Variants in KCNMB2 observed in about 807,000 individuals in gnomAD.
KCNMB2 encodes calcium-activated potassium channel subunit beta-2.
In KCNMB2, 9 loss-of-function variants were observed where a neutral mutation model predicts 24.5. The ratio of observed to expected loss-of-function variants is 0.37; its 90% CI spans 0.22 to 0.64. The LOEUF (loss-of-function observed/expected upper bound fraction) is 0.64, where lower values mean the gene tolerates loss of function less well. KCNMB2 is among the 30% of genes least tolerant of loss of function. The pLI is 0.63. For synonymous variants in KCNMB2, 109 were observed against 104.4 expected, an observed-to-expected ratio of 1.04 and a Z score of -0.27; for missense variants, 226 against 284.3, an observed-to-expected ratio of 0.79 and a Z score of 1.47.
At chr3:178,696,885 A>C (rs1352729862) in intron 1 of KCNMB2, among the ~76,000 whole-genome samples, 3 of 152,310 alleles carry the variant, frequency 2.0e-5, no homozygotes, top group East Asian at 1.9e-4. Flanking sequence ...TTCAGAAGGA[A>C]GTCATTCAAT....
At chr3:178,628,151 G>T (rs1325844861) in intron 1 of KCNMB2, among the ~76,000 whole-genome samples, 1 of 152,032 alleles carries the variant, frequency 6.6e-6, no homozygotes, top group East Asian at 1.9e-4. Flanking sequence ...AGATTATTTT[G>T]TCTCATACAG....
At chr3:178,679,031 T>C (rs941610471) in intron 1 of KCNMB2, among the ~76,000 whole-genome samples, 6 of 137,110 alleles carry the variant, frequency 4.4e-5, no homozygotes, top group Non-Finnish European at 9.5e-5. Flanking sequence ...AGTTTTTTTT[T>C]GTTTGTTTGT....
At chr3:178,586,471 T>C (rs1419773440) in intron 1 of KCNMB2, among the ~76,000 whole-genome samples, 7 of 151,476 alleles carry the variant, frequency 4.6e-5, no homozygotes, top group Non-Finnish European at 8.8e-5. Flanking sequence ...CAGCCTGTCA[T>C]AATTTTTTTT....
At chr3:178,750,985 A>G (rs1244341178) in intron 1 of KCNMB2, among the ~76,000 whole-genome samples, 1 of 152,190 alleles carries the variant, frequency 6.6e-6, no homozygotes, top group East Asian at 1.9e-4. Flanking sequence ...CTACCCCCAG[A>G]TATTAAAAAA....
At chr3:178,837,367 A>G (rs949655797) in intron 4 of KCNMB2, among the ~76,000 whole-genome samples, 1 of 152,190 alleles carries the variant, frequency 6.6e-6, no homozygotes, top group Admixed American at 6.5e-5. Flanking sequence ...TATAGTTTCA[A>G]AAAAATTGAT....
chr3:178,641,924 T>C (rs1284941141), intron 1 of KCNMB2, among the ~76,000 whole-genome samples: 1 of 152,180 alleles, frequency 6.6e-6, no homozygotes, highest in Non-Finnish European at 1.5e-5. Context: ...TCAATATGTT[T>C]CTAAATTATG....
intron 1 of KCNMB2, among the ~76,000 whole-genome samples, chr3:178,611,862 C>A (rs1718495568): frequency 6.6e-6 from 1 of 151,856 alleles, no homozygotes. Context: ...TTTGAAGTTT[C>A]TTCTCTTTTT....
intron 1 of KCNMB2, among the ~76,000 whole-genome samples, chr3:178,548,273 T>C (rs899623402): frequency 6.6e-6 from 1 of 152,226 alleles, no homozygotes; most frequent in African/African-American, 2.4e-5. Context: ...ATACTATAGA[T>C]AGATCTTGCA....
intron 1 of KCNMB2, among the ~76,000 whole-genome samples, chr3:178,772,869 C>T (rs1712430100): frequency 6.6e-6 from 1 of 152,158 alleles, no homozygotes; most frequent in Non-Finnish European, 1.5e-5. Flanking sequence ...ATTATCACAT[C>T]TTATATACCC....
intron 1 of KCNMB2, among the ~76,000 whole-genome samples, chr3:178,701,519 A>G (rs2108340665): frequency 6.6e-6 from 1 of 152,088 alleles, no homozygotes; most frequent in East Asian, 1.9e-4. Context: ...CTTGATGGGG[A>G]TGGCATTGGG....
chr3:178,627,712 C>G (rs1212180612), intron 1 of KCNMB2, among the ~76,000 whole-genome samples: 1 of 152,156 alleles, frequency 6.6e-6, no homozygotes, highest in Non-Finnish European at 1.5e-5. Context: ...TCTATCTTCA[C>G]CTGTATTTTA....
At chr3:178,743,424 C>T (rs1302882352) in intron 1 of KCNMB2, among the ~76,000 whole-genome samples, 1 of 152,168 alleles carries the variant, frequency 6.6e-6, no homozygotes, top group Non-Finnish European at 1.5e-5. Context: ...CTCAGAGATA[C>T]TCAGAGCAGC....
At chr3:178,808,717 C>T (rs1714074715) in intron 2 of KCNMB2, among the ~76,000 whole-genome samples, 1 of 152,074 alleles carries the variant, frequency 6.6e-6, no homozygotes, top group African/African-American at 2.4e-5. Flanking sequence ...CTTTAAAATG[C>T]TTTGACACAA....
chr3:178,589,467 T>C (rs1717583282), intron 1 of KCNMB2, among the ~76,000 whole-genome samples: 1 of 152,002 alleles, frequency 6.6e-6, no homozygotes. Flanking sequence ...GGGGAGGTTG[T>C]GTTTTTTTTG....
intron 1 of KCNMB2, among the ~76,000 whole-genome samples, chr3:178,684,973 CTT>C (rs1721410861): frequency 1.3e-5 from 2 of 152,200 alleles, no homozygotes; most frequent in African/African-American, 4.8e-5. Context: ...GAAGTTTTCC[CTT>C]TCTTACCTAA....
At chr3:178,605,671 G>A (rs995151352) in intron 1 of KCNMB2, among the ~76,000 whole-genome samples, 21 of 152,082 alleles carry the variant, frequency 1.4e-4, no homozygotes, top group African/African-American at 5.1e-4. Flanking sequence ...ACAGAAATGA[G>A]GAATATTTTA....
intron 2 of KCNMB2, among the ~76,000 whole-genome samples, chr3:178,822,528 G>T (rs11914342): frequency 0.27 from 39,752 of 144,738 alleles, 7,005 homozygotes; most frequent in African/African-American, 0.54. Flanking sequence ...CAGGAGAAGT[G>T]TGTGAACCTA....
chr3:178,621,981 A>G (rs927401826), intron 1 of KCNMB2, among the ~76,000 whole-genome samples: 1 of 152,218 alleles, frequency 6.6e-6, no homozygotes, highest in Non-Finnish European at 1.5e-5. Flanking sequence ...ACTAGCTGTG[A>G]AATCCCTCAA....
intron 1 of KCNMB2, among the ~76,000 whole-genome samples, chr3:178,559,431 A>G (rs1313847536): frequency 1.3e-5 from 2 of 151,910 alleles, no homozygotes; most frequent in African/African-American, 2.4e-5. Context: ...ATTTTCTTGT[A>G]TTTGAACAAT....
Sources: allele counts gnomAD v4.1 joint callset (sites outside exome capture counted in the v4.1 genomes callset), GRCh38; gene constraint gnomAD v4.1.1; transcripts MANE v1.5; gene names NCBI Gene and HGNC (gene_info 2026-07-23, HGNC 2026-07-21).